Variants in VWDE observed in about 807,000 individuals in gnomAD.
VWDE encodes von Willebrand factor D and EGF domain-containing protein.
In VWDE, 207 loss-of-function variants were observed where a neutral mutation model predicts 178.4. The ratio of observed to expected loss-of-function variants is 1.16; its 90% CI spans 1.04 to 1.30. The LOEUF is 1.30. Ranked by LOEUF, VWDE falls within the 50% of genes most tolerant of loss-of-function variation. VWDE has a pLI of 0.00. For synonymous variants in VWDE, 738 were observed against 651.4 expected (o/e 1.13, Z -2.02); for missense variants, 2,287 against 1,901.3 (o/e 1.20, Z -3.77).
intron 4 of VWDE, 110 bp downstream of exon 4, chr7:12,383,426 T>G: frequency 1.1e-6 from 1 of 880,676 alleles, no homozygotes. Flanking sequence ...CAGACTTTGG[T>G]TATATCAAAT....
intron 13 of VWDE, among the ~76,000 whole-genome samples, chr7:12,366,208 T>C (rs983408125): frequency 6.6e-6 from 1 of 152,144 alleles, no homozygotes; most frequent in African/African-American, 2.4e-5. Context: ...AGGTAGTATC[T>C]TTATAGCACT....
In VWDE at chr7:12,393,714, G is replaced by C; in HGVS notation, c.123C>G (p.Asp41Glu). Residue 41 changes from aspartate to glutamate, a missense_variant, in exon 2 of 29, where the codon GAC becomes GAG. Physicochemically the swap from Asp to Glu is conservative, Grantham distance 45 (BLOSUM62 2). Coordinates refer to ENST00000275358, the MANE Select transcript of VWDE (RefSeq NM_001135924.3). Reference protein sequence around the residue: ...LRSPYRSVRFDSWHLQQSAVQ... With the variant: ...LRSPYRSVRFESWHLQQSAVQ... ...CAGCTGACTGCTGGAGGTGCCATGA[G>C]TCAAAACGGACACTTCTATAAGGAC... is the stretch of plus-strand genomic sequence containing the variant. The C allele has an allele frequency of 6.4e-7, 1 of 1,551,250 alleles. No homozygotes were observed. Among genetic ancestry groups the C allele is most frequent in the Non-Finnish European group, 8.7e-7 (1 of 1,146,716 alleles).
intron 7 of VWDE, among the ~76,000 whole-genome samples, chr7:12,376,686 T>A (rs1002752868): frequency 6.6e-6 from 1 of 152,088 alleles, no homozygotes; most frequent in Non-Finnish European, 1.5e-5. Context: ...TAGAATTGTG[T>A]CAAATAGTCC....
intron 19 of VWDE, among the ~76,000 whole-genome samples, chr7:12,348,307 A>G (rs933746791): frequency 6.7e-6 from 1 of 149,254 alleles, no homozygotes; most frequent in Non-Finnish European, 1.5e-5. Context: ...AATGGGAGAA[A>G]ATTTTTGCAA....
rs1784044094 is a variant in VWDE, at chr7:12,385,250, T to C, written c.476-1649A>G. ...AAGTGAAATTTTGCCCTCTACTATT[T>C]GCTGTTTTGGTGATTTTAAAATTAA... On this transcript the variant is annotated intron_variant, in intron 3 of 28. Coordinates refer to ENST00000275358, the MANE Select transcript of VWDE (RefSeq NM_001135924.3). Among the ~76,000 whole-genome samples, 3 of 152,268 alleles carry C rather than the reference T, an allele frequency of 2.0e-5. No individual in the cohort carries two copies. In the South Asian group the frequency reaches 6.2e-4, roughly 32 times the overall value.
chr7:12,342,223 G>A lies in VWDE; in HGVS notation c.4175-69C>T, dbSNP rs904146739. On this transcript the variant is annotated intron_variant, in intron 22 of 28. Coordinates refer to ENST00000275358, the MANE Select transcript of VWDE (RefSeq NM_001135924.3). ...TAGTCATATTGTTGGTTATTATCTA[G>A]CTAGCTCATAACTGCTAATCACATC... is the stretch of plus-strand genomic sequence containing the variant. 12 of 1,257,310 alleles carry A rather than the reference G, an allele frequency of 9.5e-6. No homozygotes were observed. The African/African-American group carries it at 1.8e-4, about 19-fold the overall frequency. The allele number at this position is 1,257,310 out of a possible 1,614,324, so 77.9% of individuals were successfully genotyped here.
chr7:12,344,159 T>C (rs1324203528), intron 21 of VWDE, 36 bp downstream of exon 21: 7 of 1,517,358 alleles, frequency 4.6e-6, no homozygotes, highest in Non-Finnish European at 4.5e-6. Context: ...TGCTATATTT[T>C]AGGCCTTATA....
chr7:12,350,567 C>T (rs1015045630), intron 19 of VWDE, among the ~76,000 whole-genome samples: 7 of 152,032 alleles, frequency 4.6e-5, no homozygotes, highest in African/African-American at 1.7e-4. Context: ...ATTCCCATAC[C>T]ATTAACAAAG....
At chr7:12,344,134 T>A (rs1781473405) in intron 21 of VWDE, 61 bp downstream of exon 21, 2 of 1,438,720 alleles carry the variant, frequency 1.4e-6, no homozygotes, top group Admixed American at 4.1e-5. Context: ...GTAAAATGGT[T>A]TTTAAAGAAA....
intron 2 of VWDE, among the ~76,000 whole-genome samples, chr7:12,390,164 C>CAAAA (rs200320227): frequency 1.9e-5 from 2 of 105,722 alleles, no homozygotes; most frequent in African/African-American, 3.7e-5. Context: ...GACTCCATCT[C>CAAAA]AAAAAAAAAA....
Position 12,356,167 on chromosome 7 carries a change from C to T in VWDE, c.3689G>A (p.Gly1230Asp). 1 of 1,551,484 alleles carries T rather than the reference C, an allele frequency of 6.4e-7. No individual in the cohort carries two copies. Among genetic ancestry groups the T allele is most frequent in the Non-Finnish European group, 8.7e-7 (1 of 1,146,960 alleles). The change falls in exon 18 of 29, where the codon GGC becomes GAC. Residue 1230 changes from glycine (G) to aspartate (D), a missense_variant. Gly to Asp is a moderately conservative substitution (Grantham distance 94). Transcript: ENST00000275358. ...ACTGTGAAAACCACTAATATAGCTG[C>T]CAAGACCACAAGGGTTGGATTGGCA... ...SGCQSNPCGL[G>D]SYISGFHSYS...
At chr7:12,339,787 G>A (rs920510004) in intron 24 of VWDE, among the ~76,000 whole-genome samples, 5 of 151,930 alleles carry the variant, frequency 3.3e-5, no homozygotes, top group East Asian at 1.9e-4. Context: ...CCATTATTCC[G>A]AAAATAACCT....
Position 12,361,132 on chromosome 7 carries a change from G to GA in VWDE, c.3159+14dup, listed in dbSNP as rs1022025571. 7 of 1,443,094 alleles carry GA rather than the reference G, an allele frequency of 4.9e-6. No homozygotes were observed. The highest frequency in any genetic ancestry group is 6.6e-6 in the Non-Finnish European group (7 of 1,060,676). The allele number at this position is 1,443,094 out of a possible 1,614,324, so 89.4% of individuals were successfully genotyped here. A position where few individuals can be genotyped will look rare whatever the true frequency, so the allele number is the denominator to read the frequency against. ...CTATGATGTAAATGTGAAAATACATGAAAAAAATACATACCTTTATAGTAC... is the reference window on the plus strand; with the variant it reads ...CTATGATGTAAATGTGAAAATACATGAAAAAAAATACATACCTTTATAGTAC... On this transcript the variant is annotated intron_variant, in intron 15 of 28. Coordinates refer to ENST00000275358, the MANE Select transcript of VWDE (RefSeq NM_001135924.3).
chr7:12,367,148 G>A (rs933408974), intron 13 of VWDE, among the ~76,000 whole-genome samples: 2 of 151,868 alleles, frequency 1.3e-5, no homozygotes, highest in African/African-American at 4.8e-5. Flanking sequence ...ACAGTGAGCC[G>A]ATACTTCAAT....
chr7:12,403,821 C>T lies in VWDE; in HGVS notation c.-105G>A, dbSNP rs1785034622. On this transcript the variant is annotated 5_prime_UTR_variant, in exon 1 of 29. Transcript: ENST00000275358. Reference sequence around the variant, plus strand: ...TCGGGCCTCCTTTCTTGGATTTTCTCAGTCTGTTGCTGCTTGGAACAGGGA... The same window carrying T: ...TCGGGCCTCCTTTCTTGGATTTTCTTAGTCTGTTGCTGCTTGGAACAGGGA... 3.8e-5 allele frequency: 47 copies of T among 1,243,802 alleles called. No individual in the cohort carries two copies. Among genetic ancestry groups the T allele is most frequent in the Non-Finnish European group, 5.0e-5 (44 of 881,794 alleles). The allele number at this position is 1,243,802 out of a possible 1,614,324, so 77.0% of individuals were successfully genotyped here.
chr7:12,345,909 A>G (rs1310332291), intron 19 of VWDE, among the ~76,000 whole-genome samples: 1 of 152,126 alleles, frequency 6.6e-6, no homozygotes, highest in East Asian at 1.9e-4. Context: ...AGTAGGAGTA[A>G]ATCTTGTACT....
chr7:12,393,821 T>G (rs1207442893), intron 1 of VWDE, 43 bp from the exon 2 acceptor site: 2 of 1,471,740 alleles, frequency 1.4e-6, no homozygotes, highest in Non-Finnish European at 1.8e-6. Flanking sequence ...GTGTTTTGTT[T>G]GTTGACATAG....
intron 10 of VWDE, among the ~76,000 whole-genome samples, chr7:12,371,928 AT>A (rs561323610): frequency 4.2e-4 from 63 of 151,254 alleles, no homozygotes; most frequent in African/African-American, 1.4e-3. Flanking sequence ...ATCCTTAACT[AT>A]TTTTTTTTAC....
At chr7:12,346,075 A>G (rs1365473182) in intron 19 of VWDE, among the ~76,000 whole-genome samples, 4 of 152,168 alleles carry the variant, frequency 2.6e-5, no homozygotes, top group African/African-American at 4.8e-5. Flanking sequence ...ACACATGTCT[A>G]ACATTGTAGT....
Sources: gnomAD v4.1 joint callset for allele counts (sites outside exome capture counted in the v4.1 genomes callset) on GRCh38, gnomAD v4.1.1 for gene constraint, MANE v1.5 for transcripts, NCBI Gene and HGNC (gene_info 2026-07-23, HGNC 2026-07-21) for gene names.